DENND1A: variants seen among roughly 807,000 people sequenced by gnomAD.
DENND1A encodes DENN domain containing 1A, also known as DENN domain-containing protein 1A.
A neutral mutation model predicts 113.7 loss-of-function variants in DENND1A; 51 were observed. The observed-to-expected ratio is 0.45, with a 90% confidence interval of 0.36 to 0.57. The LOEUF (loss-of-function observed/expected upper bound fraction) is 0.57, where lower values mean the gene tolerates loss of function less well. DENND1A is among the 20% of genes least tolerant of loss of function. The pLI, the probability that DENND1A is intolerant of heterozygous loss-of-function variation, is 0.00. For synonymous variants in DENND1A, 565 were observed against 570.8 expected (o/e 0.99, Z 0.14); for missense variants, 1,258 against 1,395.9 (o/e 0.90, Z 1.57).
At chr9:123,758,123 C>T (rs1016452913) in intron 4 of DENND1A, among the ~76,000 whole-genome samples, 3 of 152,106 alleles carry the variant, frequency 2.0e-5, no homozygotes, top group African/African-American at 7.2e-5. Flanking sequence ...CGAAAGGTGC[C>T]CTCTATTAAC....
rs1054115037 is a variant in DENND1A, at chr9:123,599,162, T to C, written c.765+10274A>G. On this transcript the variant is annotated intron_variant, in intron 11 of 23. Coordinates refer to ENST00000394215, the MANE Select transcript of DENND1A (RefSeq NM_001352964.2). ...AGGCCTGAACTTAGATCATAAATGTTTGAATCCAATAGCCAAAGAAAAAAC... is the reference window on the plus strand; with the variant it reads ...AGGCCTGAACTTAGATCATAAATGTCTGAATCCAATAGCCAAAGAAAAAAC... 3.3e-5 allele frequency among the ~76,000 whole-genome samples: 5 copies of C among 152,238 alleles called. No homozygotes were observed. In the South Asian group the frequency reaches 1.0e-3, roughly 32 times the overall value.
chr9:123,663,830 A>C (rs974137609), intron 8 of DENND1A, among the ~76,000 whole-genome samples: 5 of 151,908 alleles, frequency 3.3e-5, no homozygotes, highest in African/African-American at 9.7e-5. Context: ...TTAAAAATGT[A>C]AGTTTTGAAA....
At chr9:123,790,862 T>C (rs1318637481) in intron 3 of DENND1A, among the ~76,000 whole-genome samples, 2 of 152,176 alleles carry the variant, frequency 1.3e-5, no homozygotes, top group Non-Finnish European at 2.9e-5. Flanking sequence ...GAAATAAACA[T>C]GGAAAGCTAA....
At chr9:123,753,693 A>G (rs1391241013) in intron 5 of DENND1A, among the ~76,000 whole-genome samples, 1 of 133,116 alleles carries the variant, frequency 7.5e-6, no homozygotes, top group Non-Finnish European at 1.5e-5. Flanking sequence ...GCACTACACT[A>G]ACTGCTGGAG....
chr9:123,441,559 G>A (rs181056141), intron 18 of DENND1A, among the ~76,000 whole-genome samples: 1 of 152,324 alleles, frequency 6.6e-6, no homozygotes, highest in East Asian at 1.9e-4. Context: ...CAAAAGGCAG[G>A]CCATGGCTCC....
chr9:123,773,159 G>C (rs1829982612), intron 3 of DENND1A, among the ~76,000 whole-genome samples: 1 of 152,188 alleles, frequency 6.6e-6, no homozygotes, highest in Non-Finnish European at 1.5e-5. Flanking sequence ...GTGTGTTAGA[G>C]AGGCAGTTGC....
intron 3 of DENND1A, among the ~76,000 whole-genome samples, chr9:123,775,852 G>C (rs1280054134): frequency 6.6e-6 from 1 of 152,138 alleles, no homozygotes; most frequent in African/African-American, 2.4e-5. Context: ...AAAAGCAGTC[G>C]ATAATGGGCC....
intron 3 of DENND1A, among the ~76,000 whole-genome samples, chr9:123,774,387 G>A (rs1268038779): frequency 6.6e-6 from 1 of 152,178 alleles, no homozygotes; most frequent in Non-Finnish European, 1.5e-5. Context: ...AAATGCTTAT[G>A]ATTAAGAAGG....
intron 2 of DENND1A, among the ~76,000 whole-genome samples, chr9:123,795,385 A>C (rs1833611745): frequency 6.6e-6 from 1 of 152,208 alleles, no homozygotes; most frequent in African/African-American, 2.4e-5. Context: ...ATGTCACCAA[A>C]ATATCGACAT....
chr9:123,535,259 A>G (rs201644907), intron 13 of DENND1A, among the ~76,000 whole-genome samples: 14 of 152,064 alleles, frequency 9.2e-5, no homozygotes, highest in East Asian at 7.7e-4. Flanking sequence ...AGTCACTCCA[A>G]TGGTTTCCAC....
intron 2 of DENND1A, among the ~76,000 whole-genome samples, chr9:123,850,917 A>G (rs1404258839): frequency 6.6e-6 from 1 of 152,228 alleles, no homozygotes; most frequent in African/African-American, 2.4e-5. Context: ...TAAATAATCC[A>G]AAAGAAAGGA....
Position 123,769,790 on chromosome 9 carries a change from C to T in DENND1A, c.133-227G>A, listed in dbSNP as rs183997897. ...AAATTAATCAAGAATCACACATGGG[C>T]AAGCAGCAGGAGCCATGCAGGAAAG... On this transcript the variant is annotated intron_variant, in intron 3 of 23. Coordinates refer to ENST00000394215, the MANE Select transcript of DENND1A (RefSeq NM_001352964.2). 5.9e-5 allele frequency among the ~76,000 whole-genome samples: 9 copies of T among 152,172 alleles called. No individual in the cohort carries two copies. The East Asian group carries it at 1.4e-3, about 23-fold the overall frequency.
intron 21 of DENND1A, among the ~76,000 whole-genome samples, chr9:123,389,710 G>A (rs2042742336): frequency 1.3e-5 from 2 of 152,252 alleles, no homozygotes; most frequent in Admixed American, 1.3e-4. Context: ...GGAGCAAAGG[G>A]TTAGGAATAA....
chr9:123,776,452 T>A (rs1468058698), intron 3 of DENND1A, among the ~76,000 whole-genome samples: 1 of 152,206 alleles, frequency 6.6e-6, no homozygotes, highest in Non-Finnish European at 1.5e-5. Context: ...GATAATTTTT[T>A]AAATCATGGG....
chr9:123,462,138 G>C (rs1346150894), intron 13 of DENND1A: 1 of 152,238 alleles, frequency 6.6e-6, no homozygotes, highest in African/African-American at 2.4e-5. Context: ...ATGCATAAAG[G>C]TCTGAATGGC....
At chr9:123,856,931 A>G (rs1471508289) in intron 2 of DENND1A, among the ~76,000 whole-genome samples, 1 of 152,164 alleles carries the variant, frequency 6.6e-6, no homozygotes, top group Non-Finnish European at 1.5e-5. Flanking sequence ...AAATATGGAA[A>G]GGGAGAAAAC....
chr9:123,538,852 A>T (rs2056047896), intron 13 of DENND1A, among the ~76,000 whole-genome samples: 1 of 123,618 alleles, frequency 8.1e-6, no homozygotes, highest in Middle Eastern at 4.0e-3. Context: ...ATATATATAT[A>T]TATATATGAA....
In DENND1A at chr9:123,664,786, A is replaced by G. The variant is rs116270841; in HGVS notation, c.507+2240T>C. ...ACCACCATAAAAGACAGTGACCTGT[A>G]AGAGTTTAGTATGCTCTATTTTGAA... On this transcript the variant is annotated intron_variant, in intron 8 of 23. Coordinates refer to ENST00000394215, the MANE Select transcript of DENND1A (RefSeq NM_001352964.2). 1.6e-3 allele frequency among the ~76,000 whole-genome samples: 240 copies of G among 152,276 alleles called. 2 individuals are homozygous for G. The highest frequency in any genetic ancestry group is 5.3e-3 in the African/African-American group (222 of 41,566).
chr9:123,381,984 G>C lies in DENND1A; in HGVS notation c.2661C>G (p.Phe887Leu). The change falls in exon 24 of 24, where the codon TTC becomes TTG. Residue 887 changes from phenylalanine (F) to leucine (L), a missense_variant. Physicochemically the swap from Phe to Leu is conservative, Grantham distance 22 (BLOSUM62 0). Around this residue, in one of 2 missense-constraint regions of DENND1A, gnomAD observed 1,159 missense variants for 1,231.7 expected, o/e 0.94. Transcript: ENST00000394215. This position sits in a 1 kb window ranked among gnomAD's most constrained non-coding sequence, Gnocchi z 4.7. ...SFPPAGTPTP[F>L]PQPPLNPFVP... is the part of the protein sequence containing the mutation. ...CAAAGGGGTTGAGTGGTGGCTGTGG[G>C]AATGGGGTGGGTGTCCCTGCAGGGG... 6.8e-7 allele frequency: 1 copy of C among 1,472,932 alleles called. No homozygotes were observed. Among genetic ancestry groups the C allele is most frequent in the South Asian group, 1.4e-5 (1 of 69,778 alleles). The allele number at this position is 1,472,932 out of a possible 1,614,324, so 91.2% of individuals were successfully genotyped here.
Sources: gnomAD v4.1 joint callset for allele counts (sites outside exome capture counted in the v4.1 genomes callset) on GRCh38, gnomAD v4.1.1 for gene constraint, gnomAD v4.1.1 regional missense constraint, Gnocchi (gnomAD v3.1) non-coding constraint, MANE v1.5 for transcripts, NCBI Gene and HGNC (gene_info 2026-07-23, HGNC 2026-07-21) for gene names.